GPRC5B: variants seen among roughly 807,000 people sequenced by gnomAD.
GPRC5B encodes G protein-coupled receptor class C group 5 member B, also known as G protein-coupled receptor family C group 5 member B.
GPRC5B carries 16 observed loss-of-function variants against 30.1 expected under a neutral mutation model. That is an observed-to-expected ratio of 0.53 (90% CI 0.36 to 0.81). The LOEUF (loss-of-function observed/expected upper bound fraction) is 0.81, where lower values mean the gene tolerates loss of function less well. GPRC5B is among the 30% of genes least tolerant of loss of function. GPRC5B has a pLI of 0.01. For missense variants in GPRC5B, 428 were observed against 544.7 expected (o/e 0.79, Z 2.13); for synonymous variants, 241 against 239.5 (o/e 1.01, Z -0.06).
chr16:19,871,297 A>AAAAAAAAAAAAAG (rs1567209331), intron 2 of GPRC5B, among the ~76,000 whole-genome samples: 1 of 150,402 alleles, frequency 6.6e-6, no homozygotes, highest in East Asian at 1.9e-4. Context: ...AAAAAAAAAA[A>AAAAAAAAAAAAAG]AAAGAAAGAA....
intron 1 of GPRC5B, among the ~76,000 whole-genome samples, chr16:19,880,271 GTGT>G (rs2056794185): frequency 6.6e-6 from 1 of 151,294 alleles, no homozygotes; most frequent in Non-Finnish European, 1.5e-5. Context: ...CATGGAGATG[GTGT>G]TGTAACGAGG....
rs142381997 is a variant in GPRC5B, at chr16:19,867,106, T to C, written c.1030+4710A>G. Among the ~76,000 whole-genome samples, 118 of 152,318 alleles carry C rather than the reference T, an allele frequency of 7.7e-4. 1 individual carries two copies. The East Asian group carries it at 0.013, about 16-fold the overall frequency. On this transcript the variant is annotated intron_variant, in intron 2 of 3. Transcript: ENST00000300571. ...AGTTGCCTGACATCCCCGGGCTCAG[T>C]TTTCCACTCTGTAAAACGGGTCTTA...
At chr16:19,883,461 C>T (rs1220771167) in intron 1 of GPRC5B, among the ~76,000 whole-genome samples, 1 of 152,250 alleles carries the variant, frequency 6.6e-6, no homozygotes, top group Non-Finnish European at 1.5e-5. Flanking sequence ...TGCAGTTTAA[C>T]TCAAAGCCTG....
chr16:19,860,465 A>G lies in GPRC5B; in HGVS notation c.*35T>C. ...GACACAGCCAGGGAGGCAAATCGGT[A>G]AGAGAAATTCTGATTCTCTGGAACT... On this transcript the variant is annotated 3_prime_UTR_variant, in exon 4 of 4. Transcript: ENST00000300571. The G allele has an allele frequency of 7.1e-7, 1 of 1,404,572 alleles. No individual in the cohort carries two copies. Among genetic ancestry groups the G allele is most frequent in the Non-Finnish European group, 1.0e-6 (1 of 990,374 alleles). The allele number at this position is 1,404,572 out of a possible 1,614,324, so 87.0% of individuals were successfully genotyped here.
chr16:19,878,778 C>T lies in GPRC5B; in HGVS notation c.-1-5932G>A, dbSNP rs191567433. Among the ~76,000 whole-genome samples the T allele has an allele frequency of 3.9e-5, 6 of 152,248 alleles. No homozygotes were observed. The East Asian group carries it at 5.8e-4, about 15-fold the overall frequency. On this transcript the variant is annotated intron_variant, in intron 1 of 3. Transcript: ENST00000300571. ...GTGGTCTCCAAACCTCACACCACCCCGAAAGGCTGTGTGTTCTCATTCCCA... is the reference window on the plus strand; with the variant it reads ...GTGGTCTCCAAACCTCACACCACCCTGAAAGGCTGTGTGTTCTCATTCCCA...
intron 2 of GPRC5B, among the ~76,000 whole-genome samples, chr16:19,869,820 G>A (rs1345456794): frequency 2.0e-5 from 3 of 152,068 alleles, no homozygotes; most frequent in African/African-American, 7.2e-5. Flanking sequence ...GCCTGTAATC[G>A]CAGCACTTTG....
At chr16:19,865,097 C>T (rs776723944) in intron 2 of GPRC5B, among the ~76,000 whole-genome samples, 14 of 151,128 alleles carry the variant, frequency 9.3e-5, no homozygotes, top group Non-Finnish European at 1.5e-4. Flanking sequence ...TTTGTAGAGA[C>T]AGGGTCTCCC....
At position 19,857,558 on chromosome 16, in the gene GPRC5B, T is replaced by C. The variant is rs895517712; in HGVS notation, c.*2942A>G. 2.7e-6 allele frequency: 1 copy of C among 369,638 alleles called. No homozygotes were observed. The highest frequency in any genetic ancestry group is 4.2e-5 in the Admixed American group (1 of 23,924). The allele number at this position is 369,638 out of a possible 1,614,324, so 22.9% of individuals were successfully genotyped here. A position where few individuals can be genotyped will look rare whatever the true frequency, so the allele number is the denominator to read the frequency against. ...ATCAAAAGTGAGCCTTAGCTCTTCA[T>C]CAGTTAATAAAAAGCACCTGCTGAG... On this transcript the variant is annotated 3_prime_UTR_variant, in exon 4 of 4. Coordinates refer to ENST00000300571, the MANE Select transcript of GPRC5B (RefSeq NM_016235.3).
At chr16:19,868,427 C>A (rs946288017) in intron 2 of GPRC5B, among the ~76,000 whole-genome samples, 1 of 152,040 alleles carries the variant, frequency 6.6e-6, no homozygotes, top group Non-Finnish European at 1.5e-5. Flanking sequence ...AGTTTGTATC[C>A]GTTTCAGGAA....
intron 1 of GPRC5B, among the ~76,000 whole-genome samples, chr16:19,880,327 T>C (rs965341191): frequency 2.0e-5 from 3 of 150,292 alleles, no homozygotes; most frequent in Non-Finnish European, 4.4e-5. Context: ...TCCAAGCTCA[T>C]GCCTGTAATC....
chr16:19,863,076 G>T (rs868740393), intron 2 of GPRC5B, among the ~76,000 whole-genome samples: 1 of 152,048 alleles, frequency 6.6e-6, no homozygotes, highest in Non-Finnish European at 1.5e-5. Flanking sequence ...GCCAGGCACT[G>T]TGCAAAGTAC....
chr16:19,875,310 C>T (rs376454987), intron 1 of GPRC5B, among the ~76,000 whole-genome samples: 2 of 152,240 alleles, frequency 1.3e-5, no homozygotes, highest in African/African-American at 4.8e-5. Context: ...AGGCATCGGT[C>T]GGCCTGCAAT....
At chr16:19,862,306 A>C in intron 2 of GPRC5B, 1 of 298,110 alleles carries the variant, frequency 3.4e-6, no homozygotes, top group Non-Finnish European at 6.4e-6. Flanking sequence ...AAAGCCATTC[A>C]TGTAAAGTTC....
intron 3 of GPRC5B, among the ~76,000 whole-genome samples, chr16:19,861,341 G>A: frequency 6.6e-6 from 1 of 152,170 alleles, no homozygotes. Flanking sequence ...GCATCAGATA[G>A]TAGTAAACCT....
At chr16:19,874,113 C>T (rs779743952) in intron 1 of GPRC5B, among the ~76,000 whole-genome samples, 1 of 152,124 alleles carries the variant, frequency 6.6e-6, no homozygotes, top group Admixed American at 6.5e-5. Flanking sequence ...TTCCAGGCTG[C>T]GTCTCTCCCT....
intron 2 of GPRC5B, among the ~76,000 whole-genome samples, chr16:19,863,398 CCACTTTGCTTGGGG>C (rs375258782): frequency 6.5e-4 from 98 of 151,570 alleles, no homozygotes; most frequent in African/African-American, 1.6e-3. Context: ...TTCATTATGT[CCACTTTGCTTGGGG>C]CACTTTGCTT....
upstream of GPRC5B, chr16:19,884,876 C>A: frequency 1.0e-6 from 1 of 980,902 alleles, no homozygotes; most frequent in Non-Finnish European, 1.2e-6. Flanking sequence ...CCGCGCGAGG[C>A]GCCCCCTGGC....
At chr16:19,875,834 C>T (rs1253115435) in intron 1 of GPRC5B, among the ~76,000 whole-genome samples, 2 of 152,140 alleles carry the variant, frequency 1.3e-5, no homozygotes, top group African/African-American at 2.4e-5. Context: ...ACCCATGTTG[C>T]ATACCCACTG....
At position 19,861,087 on chromosome 16, in the gene GPRC5B, T is replaced by TTAAAAAAAAA. The variant is rs569493402; in HGVS notation, c.1168-544_1168-543insTTTTTTTTTA. Among the ~76,000 whole-genome samples the TTAAAAAAAAA allele has an allele frequency of 2.1e-3, 197 of 93,370 alleles. 4 individuals are homozygous for TTAAAAAAAAA. The East Asian group carries it at 0.022, about 10-fold the overall frequency. 61.3% of individuals were successfully genotyped at this position (93,370 alleles called of 152,430 possible). A position where few individuals can be genotyped will look rare whatever the true frequency, so the allele number is the denominator to read the frequency against. On this transcript the variant is annotated intron_variant, in intron 3 of 3. Coordinates refer to ENST00000300571, the MANE Select transcript of GPRC5B (RefSeq NM_016235.3). ...GATCAAAGACCATCCCTGATTTACA[T>TTAAAAAAAAA]AAAAAAAAAAAAAAAAAGAAGAATG...
Sources: gnomAD v4.1 joint callset for allele counts (sites outside exome capture counted in the v4.1 genomes callset) on GRCh38, gnomAD v4.1.1 for gene constraint, MANE v1.5 for transcripts, NCBI Gene and HGNC (gene_info 2026-07-23, HGNC 2026-07-21) for gene names.